The following C12orf42 variants were observed in gnomAD, a reference collection of about 807,000 sequenced individuals.
C12orf42 encodes the protein chromosome 12 open reading frame 42.
Under a neutral mutation model 21.6 loss-of-function variants are expected in C12orf42, and 25 were observed. The observed-to-expected ratio is 1.16, with a 90% CI of 0.84 to 1.62. The LOEUF (loss-of-function observed/expected upper bound fraction) is 1.62, where lower values mean the gene tolerates loss of function less well. C12orf42 is among the 40% of genes most tolerant of loss of function. The pLI is 0.00. For synonymous variants in C12orf42, 174 were observed against 175.0 expected, an observed-to-expected ratio of 0.99 and a Z score of 0.05; for missense variants, 483 against 459.3, an observed-to-expected ratio of 1.05 and a Z score of -0.47.
chr12:103,202,639 T>C, the C12orf42 span, among the ~76,000 whole-genome samples: 1 of 152,212 alleles, frequency 6.6e-6, no homozygotes. Context: ...TTATTCTAGT[T>C]ACCGTTTTCC....
intron 4 of C12orf42, among the ~76,000 whole-genome samples, chr12:103,315,962 T>C (rs1160249518): frequency 1.3e-5 from 2 of 151,030 alleles, no homozygotes; most frequent in African/African-American, 4.9e-5. Flanking sequence ...AACATCACAC[T>C]TCACACTATA....
intron 3 of C12orf42, 32 bp from the exon 4 acceptor site, chr12:103,369,030 A>G: frequency 8.0e-7 from 1 of 1,254,324 alleles, no homozygotes; most frequent in South Asian, 1.3e-5. Context: ...TACACACAAA[A>G]AAATTAGGTC....
intron 2 of C12orf42, among the ~76,000 whole-genome samples, chr12:103,421,006 T>C (rs867096772): frequency 1.3e-5 from 2 of 152,314 alleles, no homozygotes; most frequent in South Asian, 2.1e-4. Context: ...AAATCTTTTA[T>C]TTTATTGTAC....
chr12:103,267,064 C>T (rs1315463875), downstream of C12orf42, among the ~76,000 whole-genome samples: 1 of 152,132 alleles, frequency 6.6e-6, no homozygotes, highest in Non-Finnish European at 1.5e-5. Flanking sequence ...CTATTTTCAC[C>T]GTCTCTTGCT....
At chr12:103,316,108 T>G (rs2039466616) in intron 4 of C12orf42, among the ~76,000 whole-genome samples, 1 of 149,906 alleles carries the variant, frequency 6.7e-6, no homozygotes, top group African/African-American at 2.4e-5. Flanking sequence ...ACACACACAG[T>G]ATATATATAC....
At chr12:103,523,409 C>T in the C12orf42 span, among the ~76,000 whole-genome samples, 3 of 151,786 alleles carry the variant, frequency 2.0e-5, no homozygotes, top group African/African-American at 4.8e-5. Flanking sequence ...ATAGTATCCT[C>T]GTTTAAAGGG....
chr12:103,093,052 T>C, the C12orf42 span, among the ~76,000 whole-genome samples: 2 of 152,222 alleles, frequency 1.3e-5, no homozygotes, highest in Non-Finnish European at 2.9e-5. Flanking sequence ...ATCCCTTCTC[T>C]TTTCTTTCAA....
chr12:103,464,644 C>T (rs984219220), intron 2 of C12orf42, among the ~76,000 whole-genome samples: 10 of 152,082 alleles, frequency 6.6e-5, no homozygotes, highest in Non-Finnish European at 8.8e-5. Context: ...TTTGCCAGTG[C>T]CTATGTCCTG....
intron 3 of C12orf42, among the ~76,000 whole-genome samples, chr12:103,396,323 C>T (rs1460769647): frequency 6.6e-6 from 1 of 152,132 alleles, no homozygotes. Context: ...GTACTTGCTT[C>T]TCCTTCACCT....
At chr12:103,411,522 A>G (rs1337967479) in intron 2 of C12orf42, among the ~76,000 whole-genome samples, 1 of 152,212 alleles carries the variant, frequency 6.6e-6, no homozygotes, top group Non-Finnish European at 1.5e-5. Context: ...TCTAATTCCC[A>G]ACCCCTTAAT....
the C12orf42 span, among the ~76,000 whole-genome samples, chr12:103,135,630 A>G: frequency 6.6e-6 from 1 of 152,198 alleles, no homozygotes; most frequent in Non-Finnish European, 1.5e-5. Context: ...AACAATTTTG[A>G]ATGTAAACAT....
the C12orf42 span, among the ~76,000 whole-genome samples, chr12:103,151,044 C>T: frequency 6.6e-6 from 1 of 152,134 alleles, no homozygotes; most frequent in Admixed American, 6.6e-5. Flanking sequence ...TCTCCTGCCT[C>T]AGCACCCTGA....
At chr12:103,266,163 G>C (rs1479193844), downstream of C12orf42, among the ~76,000 whole-genome samples, 1 of 152,016 alleles carries the variant, frequency 6.6e-6, no homozygotes, top group East Asian at 1.9e-4. Flanking sequence ...TTATTGAAGA[G>C]GTCTCTTTAA....
At chr12:103,417,499 C>G (rs930331807) in intron 2 of C12orf42, among the ~76,000 whole-genome samples, 2 of 152,210 alleles carry the variant, frequency 1.3e-5, no homozygotes, top group Admixed American at 6.5e-5. Context: ...CCTGCACACA[C>G]CTTTTCACAC....
downstream of C12orf42, among the ~76,000 whole-genome samples, chr12:103,265,185 C>A (rs1298884686): frequency 6.6e-6 from 1 of 152,082 alleles, no homozygotes; most frequent in African/African-American, 2.4e-5. Flanking sequence ...ACTAATCACA[C>A]CCCCAAGGTC....
chr12:103,192,015 T>A, the C12orf42 span, among the ~76,000 whole-genome samples: 1 of 151,828 alleles, frequency 6.6e-6, no homozygotes, highest in Non-Finnish European at 1.5e-5. Context: ...ATACAATATA[T>A]TGCTACAAAA....
At chr12:103,434,691 AC>A (rs985852824) in intron 2 of C12orf42, among the ~76,000 whole-genome samples, 1 of 152,174 alleles carries the variant, frequency 6.6e-6, no homozygotes, top group African/African-American at 2.4e-5. Flanking sequence ...CGCTTTTCGG[AC>A]CGGCTTAAAA....
At chr12:103,065,553 A>G in the C12orf42 span, among the ~76,000 whole-genome samples, 1 of 152,202 alleles carries the variant, frequency 6.6e-6, no homozygotes, top group Admixed American at 6.5e-5. Flanking sequence ...ACACTGGTCC[A>G]TTATACTGAT....
the C12orf42 span, among the ~76,000 whole-genome samples, chr12:103,172,866 C>T: frequency 2.0e-5 from 3 of 152,236 alleles, no homozygotes; most frequent in East Asian, 1.9e-4. Flanking sequence ...CTCTTGAACT[C>T]GTACCCTAGG....
Sources: allele counts gnomAD v4.1 joint callset (sites outside exome capture counted in the v4.1 genomes callset), GRCh38; gene constraint gnomAD v4.1.1; transcripts MANE v1.5; gene names NCBI Gene and HGNC (gene_info 2026-07-23, HGNC 2026-07-21).